The following LRRC4C variants were observed in gnomAD, a reference collection of about 807,000 sequenced individuals.
LRRC4C encodes the protein leucine rich repeat containing 4C, also known as leucine-rich repeat-containing protein 4C.
A neutral mutation model predicts 33.6 loss-of-function variants in LRRC4C; 5 were observed. The ratio of observed to expected loss-of-function variants is 0.15; its 90% CI spans 0.08 to 0.31. The LOEUF (loss-of-function observed/expected upper bound fraction) is 0.31. Among genes scored for constraint, LRRC4C ranks in the 10% least tolerant of loss-of-function variants. LRRC4C has a pLI of 1.00. For synonymous variants in LRRC4C, 329 were observed against 302.0 expected (o/e 1.09, Z -0.93); for missense variants, 560 against 796.7 (o/e 0.70, Z 3.58).
intron 1 of LRRC4C, among the ~76,000 whole-genome samples, chr11:40,937,398 C>A (rs1957951068): frequency 6.6e-6 from 1 of 151,878 alleles, no homozygotes; most frequent in African/African-American, 2.4e-5. Flanking sequence ...GGATCCATAC[C>A]CCAAACCTCA....
intron 1 of LRRC4C, among the ~76,000 whole-genome samples, chr11:41,020,765 A>G (rs932954217): frequency 4.6e-4 from 69 of 151,240 alleles, no homozygotes; most frequent in African/African-American, 1.6e-3. Flanking sequence ...GCTTAACCCT[A>G]TCTCACTCTG....
At chr11:40,549,210 A>G (rs193176400) in intron 3 of LRRC4C, among the ~76,000 whole-genome samples, 1 of 152,280 alleles carries the variant, frequency 6.6e-6, no homozygotes, top group Non-Finnish European at 1.5e-5. Context: ...TCATTAGACA[A>G]GATATGTAGC....
chr11:41,407,049 C>T (rs979153350), intron 1 of LRRC4C, among the ~76,000 whole-genome samples: 8 of 152,048 alleles, frequency 5.3e-5, no homozygotes, highest in Admixed American at 3.9e-4. Context: ...TATACATTGT[C>T]AATCAATCAG....
intron 2 of LRRC4C, among the ~76,000 whole-genome samples, chr11:40,763,774 G>A (rs1239122993): frequency 1.3e-5 from 2 of 152,146 alleles, no homozygotes; most frequent in East Asian, 3.9e-4. Context: ...ACCATCCCTA[G>A]CCAGAGACAA....
At chr11:40,813,836 T>C (rs1951593845) in intron 2 of LRRC4C, among the ~76,000 whole-genome samples, 1 of 152,166 alleles carries the variant, frequency 6.6e-6, no homozygotes, top group African/African-American at 2.4e-5. Context: ...AGGACAGTCA[T>C]TAAACCTTAA....
At chr11:41,096,047 T>C (rs889603433) in intron 1 of LRRC4C, among the ~76,000 whole-genome samples, 3 of 152,114 alleles carry the variant, frequency 2.0e-5, no homozygotes, top group African/African-American at 7.2e-5. Flanking sequence ...ATAATAGATA[T>C]AGTATTAAGT....
intron 3 of LRRC4C, among the ~76,000 whole-genome samples, chr11:40,388,234 T>C (rs1949192180): frequency 6.6e-6 from 1 of 152,148 alleles, no homozygotes; most frequent in Admixed American, 6.6e-5. Context: ...ATTATCAGGT[T>C]ACTTGTCTCT....
chr11:40,738,646 TC>T (rs1015043354), intron 2 of LRRC4C, among the ~76,000 whole-genome samples: 4 of 152,096 alleles, frequency 2.6e-5, no homozygotes, highest in African/African-American at 9.7e-5. Context: ...ACTTTAGCTC[TC>T]CCCAAAGTCT....
chr11:41,155,023 T>C (rs1356339939), intron 1 of LRRC4C, among the ~76,000 whole-genome samples: 1 of 152,150 alleles, frequency 6.6e-6, no homozygotes, highest in Non-Finnish European at 1.5e-5. Context: ...AACAATTATT[T>C]AACTGGTTTG....
intron 6 of LRRC4C, among the ~76,000 whole-genome samples, chr11:40,123,619 CT>C (rs146104577): frequency 0.06 from 9,093 of 152,018 alleles, 402 homozygotes; most frequent in Non-Finnish European, 0.088. Context: ...ATATTCCATG[CT>C]CATGGATTAG....
At chr11:40,263,885 A>T (rs1942049886) in intron 4 of LRRC4C, among the ~76,000 whole-genome samples, 2 of 152,162 alleles carry the variant, frequency 1.3e-5, no homozygotes, top group Admixed American at 1.3e-4. Flanking sequence ...ATCAAATCAG[A>T]CAGAATGAGG....
chr11:40,612,480 T>A (rs541023351), intron 3 of LRRC4C, among the ~76,000 whole-genome samples: 1 of 151,994 alleles, frequency 6.6e-6, no homozygotes, highest in South Asian at 2.1e-4. Flanking sequence ...ACAATGTGCA[T>A]ATAGTTAGCA....
At chr11:40,579,759 A>AC (rs113624402) in intron 3 of LRRC4C, among the ~76,000 whole-genome samples, 30,655 of 152,082 alleles carry the variant, frequency 0.2, 3,354 homozygotes, top group African/African-American at 0.27. Context: ...AACAACAACA[A>AC]AAAACAGTGT....
In LRRC4C at chr11:40,798,389, A is replaced by G. The variant is rs945007994; in HGVS notation, c.-407+135246T>C. Among the ~76,000 whole-genome samples, 3 of 152,172 alleles carry G rather than the reference A, an allele frequency of 2.0e-5. No individual in the cohort carries two copies. The East Asian group carries it at 5.8e-4, about 29-fold the overall frequency. On this transcript the variant is annotated intron_variant, in intron 2 of 6. Coordinates refer to ENST00000528697, the MANE Select transcript of LRRC4C (RefSeq NM_001258419.2). The stretch of plus-strand genomic sequence containing the variant: ...CAGGCAATTGTCCTGAATTTTGGCC[A>G]TAGGGGAAGCTTGCTGAGAAACAGT...
At chr11:41,133,052 G>A (rs546265003) in intron 1 of LRRC4C, among the ~76,000 whole-genome samples, 7 of 152,174 alleles carry the variant, frequency 4.6e-5, no homozygotes, top group East Asian at 1.9e-4. Context: ...TTTAGGTAGC[G>A]AGGGCCTGAA....
intron 1 of LRRC4C, among the ~76,000 whole-genome samples, chr11:41,407,622 T>A (rs953433512): frequency 4.6e-5 from 7 of 152,152 alleles, no homozygotes; most frequent in African/African-American, 1.7e-4. Flanking sequence ...TTTTAAAAAT[T>A]ACAAAATACA....
At chr11:41,109,830 CT>C (rs1941725595) in intron 1 of LRRC4C, among the ~76,000 whole-genome samples, 1 of 152,004 alleles carries the variant, frequency 6.6e-6, no homozygotes, top group Non-Finnish European at 1.5e-5. Context: ...TGATTAATCT[CT>C]TTAAGAGCAT....
chr11:41,054,695 T>C (rs562222191), intron 1 of LRRC4C, among the ~76,000 whole-genome samples: 1 of 152,280 alleles, frequency 6.6e-6, no homozygotes, highest in South Asian at 2.1e-4. Flanking sequence ...TTGGGAGAAG[T>C]TTTAGTCATT....
chr11:40,692,001 G>C (rs1042262159), intron 2 of LRRC4C, among the ~76,000 whole-genome samples: 1 of 151,944 alleles, frequency 6.6e-6, no homozygotes, highest in African/African-American at 2.4e-5. Flanking sequence ...CAATTGAAGT[G>C]ACCAGACCTT....
Sources: allele counts gnomAD v4.1 joint callset (sites outside exome capture counted in the v4.1 genomes callset), GRCh38; gene constraint gnomAD v4.1.1; transcripts MANE v1.5; gene names NCBI Gene and HGNC (gene_info 2026-07-23, HGNC 2026-07-21).